FAM174B: variants seen among roughly 807,000 people sequenced by gnomAD.
The protein encoded by FAM174B is membrane protein FAM174B.
FAM174B carries 12 observed loss-of-function variants against 10.9 expected under a neutral mutation model. The ratio of observed to expected loss-of-function variants is 1.10; its 90% CI spans 0.71 to 1.79. The LOEUF (loss-of-function observed/expected upper bound fraction) is 1.79. FAM174B is among the 40% of genes most tolerant of loss of function. The probability of loss-of-function intolerance (pLI) is 0.00; values close to 1 mark genes in which losing one functional copy is unlikely to be tolerated. For synonymous variants in FAM174B, 132 were observed against 115.8 expected (o/e 1.14, Z -0.90); for missense variants, 266 against 233.3 (o/e 1.14, Z -0.91).
intron 1 of FAM174B, among the ~76,000 whole-genome samples, chr15:92,636,590 C>A (rs902676967): frequency 6.6e-6 from 1 of 152,126 alleles, no homozygotes; most frequent in Non-Finnish European, 1.5e-5. Flanking sequence ...GTGAAAGTGC[C>A]GCACAACTAC....
intron 1 of FAM174B, among the ~76,000 whole-genome samples, chr15:92,632,707 A>AGACGAGGTCTTGTTATGTTGCCCAG (rs1378823989): frequency 6.6e-6 from 1 of 151,530 alleles, no homozygotes; most frequent in Non-Finnish European, 1.5e-5. Context: ...TCTGTAGTAG[A>AGACGAGGTCTTGTTATGTTGCCCAG]GACGAGGTCT....
chr15:92,619,911 A>C, intron 2 of FAM174B: 1 of 185,164 alleles, frequency 5.4e-6, no homozygotes, highest in Non-Finnish European at 1.1e-5. Context: ...GTTCCAGTAC[A>C]ATGTTATTTA....
intron 2 of FAM174B, among the ~76,000 whole-genome samples, chr15:92,629,263 A>G (rs1297407962): frequency 1.3e-5 from 2 of 152,210 alleles, no homozygotes; most frequent in African/African-American, 4.8e-5. Flanking sequence ...CCTCGTCTCA[A>G]AACTATGCTC....
At position 92,619,235 on chromosome 15, in the gene FAM174B, AG is replaced by A. The variant is rs1394914617; in HGVS notation, c.*220del. On this transcript the variant is annotated 3_prime_UTR_variant, in exon 3 of 3. Coordinates refer to ENST00000327355, the MANE Select transcript of FAM174B (RefSeq NM_207446.3). ...GGGGGCACTTTAAAGGGATGCCCAAAGGGTGGCAGAAGCAACTCCATTGTGG... is the reference window on the plus strand; with the variant it reads ...GGGGGCACTTTAAAGGGATGCCCAAAGGTGGCAGAAGCAACTCCATTGTGG... The A allele has an allele frequency of 5.7e-6, 4 of 706,746 alleles. No individual in the cohort carries two copies. The highest frequency in any genetic ancestry group is 1.0e-5 in the Non-Finnish European group (4 of 387,094). 43.8% of individuals were successfully genotyped at this position (706,746 alleles called of 1,614,324 possible). A position where few individuals can be genotyped will look rare whatever the true frequency, so the allele number is the denominator to read the frequency against.
intron 1 of FAM174B, among the ~76,000 whole-genome samples, chr15:92,631,453 A>ATT (rs1321490614): frequency 1.6e-5 from 1 of 63,316 alleles, no homozygotes; most frequent in Non-Finnish European, 2.6e-5. Flanking sequence ...TATATAACAT[A>ATT]ATATATATTA....
At chr15:92,632,521 T>C (rs2050826043) in intron 1 of FAM174B, among the ~76,000 whole-genome samples, 1 of 152,064 alleles carries the variant, frequency 6.6e-6, no homozygotes, top group African/African-American at 2.4e-5. Flanking sequence ...CATCTCAAAA[T>C]AAAATAAAGA....
At chr15:92,632,341 G>C (rs1375235645) in intron 1 of FAM174B, among the ~76,000 whole-genome samples, 2 of 152,172 alleles carry the variant, frequency 1.3e-5, no homozygotes, top group African/African-American at 4.8e-5. Context: ...TCAGGAGATA[G>C]AGACTATCCT....
At chr15:92,646,063 CCT>C (rs1357630111) in intron 1 of FAM174B, among the ~76,000 whole-genome samples, 3 of 150,598 alleles carry the variant, frequency 2.0e-5, no homozygotes, top group African/African-American at 7.3e-5. Context: ...CTGACACTTT[CCT>C]CTTTCTCCTC....
At chr15:92,639,365 A>G (rs1196575120) in intron 1 of FAM174B, 6 of 152,272 alleles carry the variant, frequency 3.9e-5, no homozygotes, top group Non-Finnish European at 8.8e-5. Context: ...CAAGCCATCT[A>G]AATTAATCTG....
rs944223832 is a variant in FAM174B, at chr15:92,617,611, C to T, written c.*1845G>A. 14 of 644,796 alleles carry T rather than the reference C, an allele frequency of 2.2e-5. No individual in the cohort carries two copies. The Admixed American group carries it at 3.0e-4, about 14-fold the overall frequency. 39.9% of individuals were successfully genotyped at this position (644,796 alleles called of 1,614,324 possible). ...GTAAGGCAGAGGAATCCAGCTTTTC[C>T]ATGAGATTCAGCTGCAGTTGTCGAA... On this transcript the variant is annotated 3_prime_UTR_variant, in exon 3 of 3. Transcript: ENST00000327355.
intron 1 of FAM174B, among the ~76,000 whole-genome samples, chr15:92,636,834 C>G (rs937204595): frequency 6.6e-6 from 1 of 152,232 alleles, no homozygotes; most frequent in Non-Finnish European, 1.5e-5. Flanking sequence ...CACCGGAGTT[C>G]GCAGCCACTT....
rs1277019799 is a variant in FAM174B at position 92,617,820 on chromosome 15, G to T, written c.*1636C>A. The T allele has an allele frequency of 4.0e-6, 2 of 505,400 alleles. No individual in the cohort carries two copies. The highest frequency in any genetic ancestry group is 2.0e-5 in the African/African-American group (1 of 49,838). 31.3% of individuals were successfully genotyped at this position (505,400 alleles called of 1,614,324 possible). ...AAACAGATGGGGGAAAACAGAGAAG[G>T]AAAGTCAACAAAGAAGGTGAAATGC... is the stretch of plus-strand genomic sequence containing the variant. On this transcript the variant is annotated 3_prime_UTR_variant, in exon 3 of 3. Coordinates refer to ENST00000327355, the MANE Select transcript of FAM174B (RefSeq NM_207446.3).
rs2050689787 is a variant in FAM174B at position 92,617,882 on chromosome 15, G to GCA, written c.*1572_*1573dup. ...ACTACACGCAGGCCCCCCGTGGCTG[G>GCA]CAATACCATGCGTGCTGGGCCGGCT... On this transcript the variant is annotated 3_prime_UTR_variant, in exon 3 of 3. Coordinates refer to ENST00000327355, the MANE Select transcript of FAM174B (RefSeq NM_207446.3). 2.2e-6 allele frequency: 1 copy of GCA among 454,738 alleles called. No individual in the cohort carries two copies. Among genetic ancestry groups the GCA allele is most frequent in the Admixed American group, 4.3e-5 (1 of 23,332 alleles). 28.2% of individuals were successfully genotyped at this position (454,738 alleles called of 1,614,324 possible).
At chr15:92,625,869 G>C (rs1033380177) in intron 2 of FAM174B, among the ~76,000 whole-genome samples, 6 of 152,202 alleles carry the variant, frequency 3.9e-5, no homozygotes, top group African/African-American at 1.4e-4. Context: ...CAGTGGGCTT[G>C]TGTCTAATGA....
At chr15:92,654,787 CAA>C (rs5814547) in intron 1 of FAM174B, among the ~76,000 whole-genome samples, 33 of 137,028 alleles carry the variant, frequency 2.4e-4, no homozygotes, top group Non-Finnish European at 2.3e-4. Context: ...CTTTCAGTAG[CAA>C]AAAAAAAAAA....
intron 1 of FAM174B, among the ~76,000 whole-genome samples, chr15:92,647,368 C>T (rs757344131): frequency 2.6e-5 from 4 of 152,198 alleles, no homozygotes; most frequent in Non-Finnish European, 4.4e-5. Flanking sequence ...GCTTTTAATA[C>T]ATGGCTCCCC....
intron 1 of FAM174B, among the ~76,000 whole-genome samples, chr15:92,648,329 T>C (rs1288645969): frequency 6.6e-6 from 1 of 152,228 alleles, no homozygotes; most frequent in Non-Finnish European, 1.5e-5. Context: ...CATTATCCTA[T>C]GCCTTAGATT....
At chr15:92,651,629 T>C (rs2050967045) in intron 1 of FAM174B, among the ~76,000 whole-genome samples, 2 of 152,262 alleles carry the variant, frequency 1.3e-5, no homozygotes, top group South Asian at 2.1e-4. Flanking sequence ...AGCTGCACAG[T>C]ATTCTGCCAT....
At chr15:92,650,990 C>T (rs1001676864) in intron 1 of FAM174B, among the ~76,000 whole-genome samples, 3 of 152,144 alleles carry the variant, frequency 2.0e-5, no homozygotes, top group African/African-American at 7.2e-5. Flanking sequence ...TGATGAAATA[C>T]ATTTAAAAAG....
Sources: allele counts gnomAD v4.1 joint callset (sites outside exome capture counted in the v4.1 genomes callset), GRCh38; gene constraint gnomAD v4.1.1; transcripts MANE v1.5; gene names NCBI Gene and HGNC (gene_info 2026-07-23, HGNC 2026-07-21).